Variants in PCDH15 observed in about 807,000 individuals in gnomAD.
PCDH15 encodes the protein protocadherin-15.
In PCDH15, 129 loss-of-function variants were observed where a neutral mutation model predicts 178.5. That is an observed-to-expected ratio of 0.72 (90% CI 0.63 to 0.84). PCDH15 has a LOEUF of 0.84. Among genes scored for constraint, PCDH15 ranks in the 40% least tolerant of loss-of-function variants. PCDH15 has a pLI of 0.00. For missense variants in PCDH15, 2,230 were observed against 2,099.9 expected (o/e 1.06, Z -1.21); for synonymous variants, 800 against 732.0 (o/e 1.09, Z -1.50).
At chr10:54,843,684 T>C (rs1227721167) in intron 3 of PCDH15, among the ~76,000 whole-genome samples, 3 of 152,158 alleles carry the variant, frequency 2.0e-5, no homozygotes, top group African/African-American at 2.4e-5. Flanking sequence ...TTAAGATAAT[T>C]TGACGATTGT....
At chr10:54,664,070 A>T in intron 2 of PCDH15, 102 bp downstream of exon 2, 1 of 918,352 alleles carries the variant, frequency 1.1e-6, no homozygotes, top group Non-Finnish European at 1.7e-6. Flanking sequence ...TAACCTTTCA[A>T]TCATAAACTA....
At chr10:54,287,133 T>G (rs901081459) in intron 8 of PCDH15, among the ~76,000 whole-genome samples, 1 of 152,172 alleles carries the variant, frequency 6.6e-6, no homozygotes, top group African/African-American at 2.4e-5. Context: ...TTTTTAGAGT[T>G]TCAAAATTTC....
chr10:54,895,770 A>G (rs1564611931), intron 3 of PCDH15, among the ~76,000 whole-genome samples: 1 of 152,214 alleles, frequency 6.6e-6, no homozygotes, highest in Non-Finnish European at 1.5e-5. Flanking sequence ...ATATATCACT[A>G]AAAAGAACAA....
intron 2 of PCDH15, among the ~76,000 whole-genome samples, chr10:54,662,375 T>C (rs2094505014): frequency 2.0e-5 from 3 of 151,888 alleles, no homozygotes; most frequent in Admixed American, 2.0e-4. Context: ...AGTCCATTTG[T>C]ACTTTTTATT....
At chr10:54,798,492 T>C (rs918376708) in intron 1 of PCDH15, among the ~76,000 whole-genome samples, 1 of 152,116 alleles carries the variant, frequency 6.6e-6, no homozygotes, top group African/African-American at 2.4e-5. Flanking sequence ...TGTATAGTCT[T>C]ATTTTGCATG....
At chr10:54,207,905 A>G (rs1453967615) in intron 10 of PCDH15, among the ~76,000 whole-genome samples, 1 of 152,040 alleles carries the variant, frequency 6.6e-6, no homozygotes, top group Non-Finnish European at 1.5e-5. Context: ...GCTTTTCTTC[A>G]TCATTAATTA....
At chr10:54,541,820 C>G (rs1373140050) in intron 2 of PCDH15, among the ~76,000 whole-genome samples, 1 of 152,098 alleles carries the variant, frequency 6.6e-6, no homozygotes, top group East Asian at 1.9e-4. Context: ...AATCATGATT[C>G]TTACTAAGAC....
intron 13 of PCDH15, among the ~76,000 whole-genome samples, chr10:54,182,989 GT>G (rs11456326): frequency 5.3e-5 from 8 of 149,946 alleles, no homozygotes; most frequent in Non-Finnish European, 7.4e-5. Context: ...TTTTGTTTTT[GT>G]TTTTTTTTGA....
At chr10:55,360,453 A>G (rs1343648909) in intron 2 of PCDH15, among the ~76,000 whole-genome samples, 1 of 151,954 alleles carries the variant, frequency 6.6e-6, no homozygotes, top group Non-Finnish European at 1.5e-5. Flanking sequence ...GTACAATGAC[A>G]AGCCACAGAA....
At chr10:54,667,826 T>C (rs942754524) in intron 1 of PCDH15, among the ~76,000 whole-genome samples, 1 of 152,114 alleles carries the variant, frequency 6.6e-6, no homozygotes, top group Non-Finnish European at 1.5e-5. Flanking sequence ...GATAATTAAA[T>C]TGGTGTATTC....
At chr10:55,479,501 A>G (rs1840132243) in intron 2 of PCDH15, among the ~76,000 whole-genome samples, 1 of 151,652 alleles carries the variant, frequency 6.6e-6, no homozygotes, top group South Asian at 2.1e-4. Context: ...AATTATTTAT[A>G]GGAGGAACAT....
chr10:54,188,234 A>T (rs185684880), intron 11 of PCDH15, among the ~76,000 whole-genome samples: 15 of 151,972 alleles, frequency 9.9e-5, no homozygotes, highest in Admixed American at 8.5e-4. Context: ...TTTCACAAAT[A>T]TATTTGAATT....
chr10:53,849,786 G>T (rs779633516), intron 28 of PCDH15, among the ~76,000 whole-genome samples: 1 of 148,564 alleles, frequency 6.7e-6, no homozygotes, highest in South Asian at 2.1e-4. Flanking sequence ...ACATGAACCC[G>T]GGAGACGGAG....
At chr10:53,838,641 A>G (rs576101191) in intron 29 of PCDH15, among the ~76,000 whole-genome samples, 15 of 152,342 alleles carry the variant, frequency 9.8e-5, no homozygotes, top group African/African-American at 3.4e-4. Flanking sequence ...AAAACACAGA[A>G]TGCAGGTAGA....
intron 1 of PCDH15, among the ~76,000 whole-genome samples, chr10:54,718,469 G>A (rs1026122310): frequency 6.6e-6 from 1 of 151,876 alleles, no homozygotes; most frequent in Non-Finnish European, 1.5e-5. Context: ...AACTTATACA[G>A]ACTCTTTAGC....
At chr10:54,197,734 C>T (rs1049581703) in intron 10 of PCDH15, among the ~76,000 whole-genome samples, 4 of 152,154 alleles carry the variant, frequency 2.6e-5, no homozygotes, top group Admixed American at 2.6e-4. Context: ...TAACAAACTA[C>T]AGTGATATTG....
intron 18 of PCDH15, among the ~76,000 whole-genome samples, chr10:54,044,439 A>G (rs769405563): frequency 4.6e-5 from 7 of 152,122 alleles, no homozygotes; most frequent in Non-Finnish European, 7.4e-5. Context: ...AGCAATATAG[A>G]AAGGTGCAAC....
In PCDH15 at chr10:54,068,468, G is replaced by A. The variant is rs11004033; in HGVS notation, c.2092-1583C>T. 8.4e-3 allele frequency among the ~76,000 whole-genome samples: 1,279 copies of A among 152,160 alleles called. 18 individuals carry two copies. Among genetic ancestry groups the A allele is most frequent in the African/African-American group, 0.029 (1,195 of 41,520 alleles). ...TCTGGAAACAACCCAAATGTCCATC[G>A]ATAGTAGATGGTTATACAGGATTGT... On this transcript the variant is annotated intron_variant, in intron 17 of 37. Coordinates refer to ENST00000644397, the MANE Select transcript of PCDH15 (RefSeq NM_001384140.1).
chr10:53,946,992 G>C (rs543965963), intron 23 of PCDH15, among the ~76,000 whole-genome samples: 12 of 152,134 alleles, frequency 7.9e-5, no homozygotes, highest in Non-Finnish European at 1.5e-5. Context: ...TGGCCAGGCT[G>C]GTCTTGAACT....
Sources: gnomAD v4.1 joint callset for allele counts (sites outside exome capture counted in the v4.1 genomes callset) on GRCh38, gnomAD v4.1.1 for gene constraint, MANE v1.5 for transcripts, NCBI Gene and HGNC (gene_info 2026-07-23, HGNC 2026-07-21) for gene names.